The following SCN10A variants were observed in gnomAD, a reference collection of about 807,000 sequenced individuals.
The protein encoded by SCN10A is sodium channel protein type 10 subunit alpha.
A neutral mutation model predicts 170.7 loss-of-function variants in SCN10A; 162 were observed. The observed-to-expected ratio is 0.95, with a 90% CI of 0.84 to 1.08. The LOEUF is 1.08. SCN10A is among the 50% of genes least tolerant of loss of function. The pLI, the probability that SCN10A is intolerant of heterozygous loss-of-function variation, is 0.00. For synonymous variants in SCN10A, 985 were observed against 904.6 expected (o/e 1.09, Z -1.59); for missense variants, 2,527 against 2,436.9 (o/e 1.04, Z -0.78).
At chr3:38,800,144 CTAGAACCA>C (rs1289805148) in intron 1 of SCN10A, among the ~76,000 whole-genome samples, 1 of 152,118 alleles carries the variant, frequency 6.6e-6, no homozygotes, top group African/African-American at 2.4e-5. Context: ...TTTAGAGAAG[CTAGAACCA>C]AAGCTCCTAC....
rs559276331 is a variant in SCN10A, at chr3:38,732,814, T to G, written c.2281-3913A>C. 1.8e-4 allele frequency among the ~76,000 whole-genome samples: 27 copies of G among 152,278 alleles called. 1 individual carries two copies. The highest frequency in any genetic ancestry group is 6.3e-4 in the African/African-American group (26 of 41,558). ...TGGTCAAGACAGTACAAGAAAGAGA[T>G]TAGCTCAGGAAAGATTTAGCTGGTT... On this transcript the variant is annotated intron_variant, in intron 15 of 27. Coordinates refer to ENST00000449082, the MANE Select transcript of SCN10A (RefSeq NM_006514.4).
chr3:38,742,626 A>G lies in SCN10A; in HGVS notation c.1868-97T>C. ...CTAGACCTTGTTGTTAATAATAAGT[A>G]CCACCTCCAACATTTTGACTTCAGC... On this transcript the variant is annotated intron_variant, in intron 13 of 27. Coordinates refer to ENST00000449082, the MANE Select transcript of SCN10A (RefSeq NM_006514.4). The G allele has an allele frequency of 1.2e-5, 10 of 855,346 alleles. No individual in the cohort carries two copies. The South Asian group carries it at 1.4e-4, about 12-fold the overall frequency. The allele number at this position is 855,346 out of a possible 1,614,324, so 53.0% of individuals were successfully genotyped here.
intron 4 of SCN10A, among the ~76,000 whole-genome samples, chr3:38,780,475 G>T (rs1237880533): frequency 6.6e-6 from 1 of 151,902 alleles, no homozygotes; most frequent in Non-Finnish European, 1.5e-5. Context: ...TGACAGATTT[G>T]CTTAGTCTTA....
At chr3:38,792,230 T>A (rs2064292187) in intron 2 of SCN10A, 62 bp from the exon 3 acceptor site, 1 of 1,591,754 alleles carries the variant, frequency 6.3e-7, no homozygotes, top group African/African-American at 1.3e-5. Flanking sequence ...TATACAACCA[T>A]GTTTTTAAAC....
intron 15 of SCN10A, among the ~76,000 whole-genome samples, chr3:38,737,494 C>A (rs2063577726): frequency 6.6e-6 from 1 of 152,196 alleles, no homozygotes; most frequent in Admixed American, 6.5e-5. Flanking sequence ...TCCTACCAGG[C>A]CTACTCTACC....
At chr3:38,702,720 C>T (rs537596005) in intron 26 of SCN10A, among the ~76,000 whole-genome samples, 68 of 152,266 alleles carry the variant, frequency 4.5e-4, no homozygotes, top group Admixed American at 4.4e-3. Flanking sequence ...GGAAATGTTC[C>T]CTCTGTTCCT....
intron 19 of SCN10A, 106 bp from the exon 20 acceptor site, chr3:38,722,518 C>A (rs1217543714): frequency 8.1e-6 from 11 of 1,356,026 alleles, no homozygotes; most frequent in Non-Finnish European, 1.1e-5. Flanking sequence ...ACTTGTCATG[C>A]CCTTGGAAAA....
In SCN10A at chr3:38,698,244, G is replaced by C; in HGVS notation, c.4976C>G (p.Thr1659Arg). 3 of 1,614,160 alleles carry C rather than the reference G, an allele frequency of 1.9e-6. No individual in the cohort carries two copies. The highest frequency in any genetic ancestry group is 2.5e-6 in the Non-Finnish European group (3 of 1,180,024). ...NSMLCLFQIT[T>R]SAGWDGLLSP... ...GAGGAGGCCATCCCAGCCGGCCGAC[G>C]TGGTAATCTGGAAGAGGCACAGCAT... Residue 1659 changes from threonine to arginine, a missense_variant, in exon 28 of 28, where the codon ACG (threonine) becomes AGG (arginine). By Grantham distance (71) the Thr-to-Arg change is moderately conservative. Transcript: ENST00000449082.
chr3:38,705,886 A>T (rs547949414), intron 26 of SCN10A, among the ~76,000 whole-genome samples: 42 of 152,258 alleles, frequency 2.8e-4, no homozygotes, highest in African/African-American at 9.6e-4. Context: ...CTCATTACCC[A>T]TGACTTGAAT....
chr3:38,728,418 G>A (rs781470413), intron 16 of SCN10A, 124 bp downstream of exon 16: 6 of 1,089,190 alleles, frequency 5.5e-6, no homozygotes, highest in Non-Finnish European at 7.6e-6. Flanking sequence ...TGAAAAGTTT[G>A]AAGACTTTTC....
At chr3:38,801,580 G>C (rs2064370764) in intron 1 of SCN10A, among the ~76,000 whole-genome samples, 1 of 152,128 alleles carries the variant, frequency 6.6e-6, no homozygotes, top group Admixed American at 6.6e-5. Context: ...ACTTGAGAGA[G>C]GCAGCAACTG....
chr3:38,786,135 C>T (rs984670619), intron 4 of SCN10A, among the ~76,000 whole-genome samples: 1 of 152,044 alleles, frequency 6.6e-6, no homozygotes, highest in African/African-American at 2.4e-5. Flanking sequence ...TGGGTATATA[C>T]CCAAAGGATT....
intron 23 of SCN10A, 84 bp from the exon 24 acceptor site, chr3:38,710,981 G>C (rs2063267884): frequency 8.6e-7 from 1 of 1,162,088 alleles, no homozygotes; most frequent in African/African-American, 1.5e-5. Context: ...CCCAGTGAGA[G>C]AGGAGAGAGT....
At chr3:38,722,766 C>CCCA (rs2063407908) in intron 19 of SCN10A, among the ~76,000 whole-genome samples, 1 of 152,202 alleles carries the variant, frequency 6.6e-6, no homozygotes, top group Non-Finnish European at 1.5e-5. Flanking sequence ...CAAGCCCAAG[C>CCCA]TGAACTGAGG....
Position 38,742,486 on chromosome 3 carries a change from G to A in SCN10A, c.1911C>T (p.Ser637=). 6.2e-7 allele frequency: 1 copy of A among 1,614,180 alleles called. No individual in the cohort carries two copies. Among genetic ancestry groups the A allele is most frequent in the Non-Finnish European group, 8.5e-7 (1 of 1,180,040 alleles). ...CCCAGATCAGATACTTCTGAGACAAGCTGGTCAAGCAGGGTGGGCACTTCT... is the reference window on the plus strand; with the variant it reads ...CCCAGATCAGATACTTCTGAGACAAACTGGTCAAGCAGGGTGGGCACTTCT... ...SEQKCPPCLT[S]LSQKYLIWDC... is the part of the protein sequence containing the mutation. Residue 637 remains serine (S), a synonymous_variant, in exon 14 of 28, where the codon AGC becomes AGT. Transcript: ENST00000449082.
intron 4 of SCN10A, among the ~76,000 whole-genome samples, chr3:38,782,663 C>T (rs1457075290): frequency 4.6e-5 from 7 of 151,980 alleles, no homozygotes; most frequent in African/African-American, 1.4e-4. Context: ...ATTTTACATG[C>T]TATATGATCT....
chr3:38,711,108 T>C (rs1021522928), intron 23 of SCN10A, among the ~76,000 whole-genome samples: 1 of 152,120 alleles, frequency 6.6e-6, no homozygotes, highest in Non-Finnish European at 1.5e-5. Context: ...AAGAATAGAG[T>C]AGCATTAAAG....
intron 15 of SCN10A, among the ~76,000 whole-genome samples, chr3:38,731,745 A>C: frequency 6.6e-6 from 1 of 152,220 alleles, no homozygotes; most frequent in East Asian, 1.9e-4. Context: ...AGATTTGCAT[A>C]TGCAACCCAT....
rs769305453 is a variant in SCN10A at position 38,771,369 on chromosome 3, A to G, written c.509T>C (p.Ile170Thr). The G allele has an allele frequency of 6.2e-7, 1 of 1,614,146 alleles. No individual in the cohort carries two copies. The highest frequency in any genetic ancestry group is 8.5e-7 in the Non-Finnish European group (1 of 1,179,980). The change falls in exon 5 of 28, where the codon ATA (isoleucine) becomes ACA (threonine). Residue 170 changes from isoleucine to threonine, a missense_variant. By Grantham distance (89) the Ile-to-Thr change is moderately conservative (BLOSUM62 -1). Coordinates refer to ENST00000449082, the MANE Select transcript of SCN10A (RefSeq NM_006514.4). Reference sequence around the variant, plus strand: ...ACAAAATCCTCTTGCCAGTATCTTTATCAAGGCTTCAAAGGTGTAAATGAC... The same window carrying G: ...ACAAAATCCTCTTGCCAGTATCTTTGTCAAGGCTTCAAAGGTGTAAATGAC... The part of the protein sequence containing the change: ...FTVIYTFEAL[I>T]KILARGFCLN...
Sources: gnomAD v4.1 joint callset for allele counts (sites outside exome capture counted in the v4.1 genomes callset) on GRCh38, gnomAD v4.1.1 for gene constraint, MANE v1.5 for transcripts, NCBI Gene and HGNC (gene_info 2026-07-23, HGNC 2026-07-21) for gene names.